FOXA3: variants seen among roughly 807,000 people sequenced by gnomAD.
The protein encoded by FOXA3 is forkhead box A3, also known as hepatocyte nuclear factor 3-gamma.
In FOXA3, 11 loss-of-function variants were observed where a neutral mutation model predicts 16.9. The ratio of observed to expected loss-of-function variants is 0.65; its 90% CI spans 0.41 to 1.08. The LOEUF is 1.08. FOXA3 is among the 50% of genes least tolerant of loss of function. The pLI is 0.00. For missense variants in FOXA3, 423 were observed against 470.1 expected (o/e 0.90, Z 0.93); for synonymous variants, 217 against 203.3 (o/e 1.07, Z -0.57).
chr19:45,866,972 G>A (rs904578387), intron 1 of FOXA3, among the ~76,000 whole-genome samples: 1 of 152,230 alleles, frequency 6.6e-6, no homozygotes, highest in Middle Eastern at 3.4e-3. Flanking sequence ...GGTCCCCCAA[G>A]GGCTTCCCCC....
In FOXA3 at chr19:45,873,242, C is replaced by T. The variant is rs941062455; in HGVS notation, c.*184C>T. 2 of 939,628 alleles carry T rather than the reference C, an allele frequency of 2.1e-6. No individual in the cohort carries two copies. The highest frequency in any genetic ancestry group is 2.6e-5 in the East Asian group (1 of 37,736). The allele number at this position is 939,628 out of a possible 1,614,324, so 58.2% of individuals were successfully genotyped here. A position where few individuals can be genotyped will look rare whatever the true frequency, so the allele number is the denominator to read the frequency against. ...ATCCACGGGGTACTGTGATAACCAC[C>T]ATGGATACATTTTGGTGGCCCACTG... On this transcript the variant is annotated 3_prime_UTR_variant, in exon 2 of 2. Transcript: ENST00000302177.
rs1317494583 is a variant in FOXA3, at chr19:45,873,264, AC to A, written c.*207del. The A allele has an allele frequency of 1.4e-6, 1 of 734,002 alleles. No individual in the cohort carries two copies. Among genetic ancestry groups the A allele is most frequent in the African/African-American group, 1.8e-5 (1 of 56,404 alleles). The allele number at this position is 734,002 out of a possible 1,614,324, so 45.5% of individuals were successfully genotyped here. A position where few individuals can be genotyped will look rare whatever the true frequency, so the allele number is the denominator to read the frequency against. On this transcript the variant is annotated 3_prime_UTR_variant, in exon 2 of 2. Coordinates refer to ENST00000302177, the MANE Select transcript of FOXA3 (RefSeq NM_004497.3). ...CACCATGGATACATTTTGGTGGCCC[AC>A]TGGGTACTGTGAGGACTGCTACATT...
At chr19:45,869,088 C>T (rs544711650) in intron 1 of FOXA3, among the ~76,000 whole-genome samples, 6 of 152,100 alleles carry the variant, frequency 3.9e-5, no homozygotes, top group African/African-American at 7.2e-5. Flanking sequence ...CCACCATGCC[C>T]GGCTAATTTT....
At chr19:45,867,025 C>T (rs1040133891) in intron 1 of FOXA3, among the ~76,000 whole-genome samples, 16 of 152,268 alleles carry the variant, frequency 1.1e-4, no homozygotes, top group Admixed American at 6.5e-5. Flanking sequence ...GGCTCAGACC[C>T]GGACACCAGG....
Position 45,864,448 on chromosome 19 carries a change from G to C in FOXA3, c.-9G>C, listed in dbSNP as rs547423844. ...GGAGCGGGGGCGGGTGGGGGCGTAA[G>C]CCCGGGGGATGCTGGGCTCAGTGAA... On this transcript the variant is annotated 5_prime_UTR_variant, in exon 1 of 2. Transcript: ENST00000302177. The C allele has an allele frequency of 1.6e-5, 24 of 1,459,678 alleles. No homozygotes were observed. In the East Asian group the frequency reaches 1.6e-4, roughly 10 times the overall value. 90.4% of individuals were successfully genotyped at this position (1,459,678 alleles called of 1,614,324 possible). A position where few individuals can be genotyped will look rare whatever the true frequency, so the allele number is the denominator to read the frequency against.
At chr19:45,866,726 GAT>G (rs1972088400) in intron 1 of FOXA3, among the ~76,000 whole-genome samples, 1 of 152,158 alleles carries the variant, frequency 6.6e-6, no homozygotes, top group South Asian at 2.1e-4. Context: ...ACCATCCTGG[GAT>G]ATCCCTGTTG....
intron 1 of FOXA3, among the ~76,000 whole-genome samples, chr19:45,866,292 A>G (rs960524935): frequency 6.6e-6 from 1 of 151,978 alleles, no homozygotes; most frequent in Admixed American, 6.6e-5. Flanking sequence ...CTGTAGTCTA[A>G]GCTACTTGGT....
Position 45,864,542 on chromosome 19 carries a change from G to T in FOXA3, c.69+17G>T. 6.6e-7 allele frequency: 1 copy of T among 1,517,764 alleles called. No homozygotes were observed. Among genetic ancestry groups the T allele is most frequent in the Non-Finnish European group, 8.9e-7 (1 of 1,128,120 alleles). The allele number at this position is 1,517,764 out of a possible 1,614,324, so 94.0% of individuals were successfully genotyped here. A position where few individuals can be genotyped will look rare whatever the true frequency, so the allele number is the denominator to read the frequency against. On this transcript the variant is annotated intron_variant, in intron 1 of 1. Coordinates refer to ENST00000302177, the MANE Select transcript of FOXA3 (RefSeq NM_004497.3). ...GCGGGCGAGGTGTGTCCTCGGGGAT[G>T]GCGGAGCGGGAAGTTGGGGGCAGGT...
At position 45,865,402 on chromosome 19, in the gene FOXA3, A is replaced by T. The variant is rs138664374; in HGVS notation, c.69+877A>T. Among the ~76,000 whole-genome samples the T allele has an allele frequency of 8.7e-3, 1,317 of 152,218 alleles. 9 individuals carry two copies. The highest frequency in any genetic ancestry group is 0.038 in the Middle Eastern group (11 of 292). Reference sequence around the variant, plus strand: ...TATTCTAATCCCCTCACCTGGACAGACAGAAAGTCCTTCCTCAAGTCTGAC... The same window carrying T: ...TATTCTAATCCCCTCACCTGGACAGTCAGAAAGTCCTTCCTCAAGTCTGAC... On this transcript the variant is annotated intron_variant, in intron 1 of 1. Coordinates refer to ENST00000302177, the MANE Select transcript of FOXA3 (RefSeq NM_004497.3).
At chr19:45,868,350 C>T (rs938265302) in intron 1 of FOXA3, among the ~76,000 whole-genome samples, 1 of 151,852 alleles carries the variant, frequency 6.6e-6, no homozygotes, top group African/African-American at 2.4e-5. Flanking sequence ...GAGGCCGAGG[C>T]AGGAGGATCA....
intron 1 of FOXA3, among the ~76,000 whole-genome samples, chr19:45,867,829 G>A (rs1440017021): frequency 6.7e-6 from 1 of 148,652 alleles, no homozygotes; most frequent in Admixed American, 6.8e-5. Context: ...GAGGAAGAAA[G>A]GTGGGAGTTG....
intron 1 of FOXA3, among the ~76,000 whole-genome samples, chr19:45,871,154 C>A (rs1324052252): frequency 6.6e-6 from 1 of 152,042 alleles, no homozygotes; most frequent in Admixed American, 6.6e-5. Flanking sequence ...TCTACGTTTA[C>A]AGTATTTACA....
Position 45,864,448 on chromosome 19 carries a change from G to A in FOXA3, c.-9G>A. The A allele has an allele frequency of 1.4e-6, 2 of 1,459,680 alleles. No homozygotes were observed. Among genetic ancestry groups the A allele is most frequent in the Non-Finnish European group, 1.8e-6 (2 of 1,094,538 alleles). 90.4% of individuals were successfully genotyped at this position (1,459,680 alleles called of 1,614,324 possible). ...GGAGCGGGGGCGGGTGGGGGCGTAA[G>A]CCCGGGGGATGCTGGGCTCAGTGAA... On this transcript the variant is annotated 5_prime_UTR_variant, in exon 1 of 2. Transcript: ENST00000302177.
chr19:45,867,977 G>A (rs1013994423), intron 1 of FOXA3, among the ~76,000 whole-genome samples: 47 of 150,856 alleles, frequency 3.1e-4, no homozygotes, highest in African/African-American at 1.0e-3. Flanking sequence ...GGGAGGGGTC[G>A]AGGGTGGGCA....
At chr19:45,864,644 GA>G (rs1224335146) in intron 1 of FOXA3, 119 bp downstream of exon 1, 1 of 721,246 alleles carries the variant, frequency 1.4e-6, no homozygotes, top group African/African-American at 1.8e-5. Flanking sequence ...TTGGGCAGCT[GA>G]GGAACTGGGA....
Position 45,873,586 on chromosome 19 carries a change from T to C in FOXA3, c.*528T>C, listed in dbSNP as rs1966931924. 6.1e-6 allele frequency: 1 copy of C among 164,442 alleles called. No homozygotes were observed. The highest frequency in any genetic ancestry group is 2.4e-5 in the African/African-American group (1 of 41,708). The allele number at this position is 164,442 out of a possible 1,614,324, so 10.2% of individuals were successfully genotyped here. A position where few individuals can be genotyped will look rare whatever the true frequency, so the allele number is the denominator to read the frequency against. On this transcript the variant is annotated 3_prime_UTR_variant, in exon 2 of 2. Coordinates refer to ENST00000302177, the MANE Select transcript of FOXA3 (RefSeq NM_004497.3). ...CTGCAGCCCCGTGTTGGCCATGTCG[T>C]CACCATTCTCTCTGGCATGGGTTGG... is the stretch of plus-strand genomic sequence containing the variant.
intron 1 of FOXA3, among the ~76,000 whole-genome samples, chr19:45,870,845 T>C (rs572202344): frequency 2.6e-5 from 4 of 152,084 alleles, no homozygotes; most frequent in Non-Finnish European, 5.9e-5. Flanking sequence ...TGGGATTACT[T>C]TGGGAGGCTG....
rs1196201504 is a variant in FOXA3, at chr19:45,872,829, C to T, written c.824C>T (p.Ser275Leu). The T allele has an allele frequency of 9.3e-6, 15 of 1,612,970 alleles. No individual in the cohort carries two copies. Among genetic ancestry groups the T allele is most frequent in the African/African-American group, 4.0e-5 (3 of 74,926 alleles). Reference sequence around the variant, plus strand: ...GATGTGGGGGCTCTGGACTGTGGCTCACCCGCTTCCTCCACACCCTATTTC... The same window carrying T: ...GATGTGGGGGCTCTGGACTGTGGCTTACCCGCTTCCTCCACACCCTATTTC... ...GEDVGALDCG[S>L]PASSTPYFTG... Residue 275 changes from serine (S) to leucine (L), a missense_variant, in exon 2 of 2, where the codon TCA (serine) becomes TTA (leucine). Ser to Leu is a moderately radical substitution (Grantham distance 145). Around this residue, in one of 3 missense-constraint regions of FOXA3, gnomAD observed 168 missense variants for 179.3 expected, o/e 0.94. Coordinates refer to ENST00000302177, the MANE Select transcript of FOXA3 (RefSeq NM_004497.3). The surrounding 1 kb of genome is among the most constrained non-coding windows in gnomAD (Gnocchi z 4.5).
At chr19:45,870,569 CT>C (rs34349319) in intron 1 of FOXA3, among the ~76,000 whole-genome samples, 181 of 133,190 alleles carry the variant, frequency 1.4e-3, no homozygotes, top group Middle Eastern at 4.1e-3. Context: ...CACCCCCCTT[CT>C]TTTTTTTTTT....
Sources: allele counts gnomAD v4.1 joint callset (sites outside exome capture counted in the v4.1 genomes callset), GRCh38; gene constraint gnomAD v4.1.1; regional missense constraint gnomAD v4.1.1; non-coding constraint Gnocchi (gnomAD v3.1); transcripts MANE v1.5; gene names NCBI Gene and HGNC (gene_info 2026-07-23, HGNC 2026-07-21).